TRAPPC9: variants seen among roughly 807,000 people sequenced by gnomAD.
TRAPPC9 encodes the protein IKK2 binding protein.
A neutral mutation model predicts 124.0 loss-of-function variants in TRAPPC9; 83 were observed. The ratio of observed to expected loss-of-function variants is 0.67; its 90% confidence interval spans 0.56 to 0.80. The LOEUF is 0.80. Among genes scored for constraint, TRAPPC9 ranks in the 30% least tolerant of loss-of-function variants. The pLI is 0.00. For synonymous variants in TRAPPC9, 638 were observed against 617.5 expected (o/e 1.03, Z -0.49); for missense variants, 1,302 against 1,508.3 (o/e 0.86, Z 2.27).
intron 21 of TRAPPC9, among the ~76,000 whole-genome samples, chr8:139,771,974 A>G (rs937447735): frequency 2.6e-4 from 39 of 152,206 alleles, no homozygotes; most frequent in African/African-American, 8.7e-4. Context: ...GAAGGGAGAT[A>G]TCTGAGCTCA....
chr8:140,208,226 C>T (rs2062973168), intron 17 of TRAPPC9, among the ~76,000 whole-genome samples: 1 of 152,078 alleles, frequency 6.6e-6, no homozygotes, highest in Non-Finnish European at 1.5e-5. Context: ...CAGTTAGTTG[C>T]TGAGGCACCC....
intron 17 of TRAPPC9, among the ~76,000 whole-genome samples, chr8:140,032,321 C>A (rs1241633730): frequency 6.6e-6 from 1 of 152,228 alleles, no homozygotes; most frequent in Non-Finnish European, 1.5e-5. Context: ...CTGTAACCAC[C>A]TTATTAGTTT....
intron 16 of TRAPPC9, among the ~76,000 whole-genome samples, chr8:140,245,927 A>T (rs1299203139): frequency 6.6e-6 from 1 of 152,212 alleles, no homozygotes; most frequent in African/African-American, 2.4e-5. Flanking sequence ...CAAAATGATG[A>T]TATCCGAATT....
At chr8:139,939,552 G>A (rs1018428255) in intron 19 of TRAPPC9, among the ~76,000 whole-genome samples, 2 of 151,928 alleles carry the variant, frequency 1.3e-5, no homozygotes, top group African/African-American at 2.4e-5. Flanking sequence ...GGTCCACAAA[G>A]GCTCCTGTTT....
intron 11 of TRAPPC9, among the ~76,000 whole-genome samples, chr8:140,294,384 C>A (rs970439441): frequency 1.6e-4 from 25 of 152,120 alleles, no homozygotes; most frequent in East Asian, 5.8e-4. Context: ...CAGACCACTC[C>A]TCACCACAAA....
intron 21 of TRAPPC9, among the ~76,000 whole-genome samples, chr8:139,826,753 G>A (rs573135931): frequency 3.2e-4 from 48 of 152,250 alleles, no homozygotes; most frequent in African/African-American, 1.1e-3. Context: ...GGAAGGGAAG[G>A]AAAATAACTC....
rs892279539 is a variant in TRAPPC9 at position 139,733,566 on chromosome 8, C to T, written c.3056-1364G>A. 5.9e-5 allele frequency among the ~76,000 whole-genome samples: 9 copies of T among 152,186 alleles called. 1 individual carries two copies. The highest frequency in any genetic ancestry group is 3.9e-4 in the Admixed American group (6 of 15,288). On this transcript the variant is annotated intron_variant, in intron 21 of 22. Transcript: ENST00000438773. Reference sequence around the variant, plus strand: ...CTTCATGTCATCCAAGTACAAACTGCGTGGCCCTGGGAGCCAGCCTGAGCC... The same window carrying T: ...CTTCATGTCATCCAAGTACAAACTGTGTGGCCCTGGGAGCCAGCCTGAGCC...
chr8:139,881,868 C>G (rs1156287266), intron 21 of TRAPPC9, among the ~76,000 whole-genome samples: 1 of 152,242 alleles, frequency 6.6e-6, no homozygotes, highest in African/African-American at 2.4e-5. Context: ...GGGCCACACT[C>G]CAGACCGCAG....
At position 140,136,435 on chromosome 8, in the gene TRAPPC9, C is replaced by T. The variant is rs935294960; in HGVS notation, c.2556+85024G>A. The stretch of plus-strand genomic sequence containing the variant: ...CATCTTCATGGGGCCTTACTGAGCA[C>T]ATACATGCATTTACTTCTCGGTACC... On this transcript the variant is annotated intron_variant, in intron 17 of 22. Coordinates refer to ENST00000438773, the MANE Select transcript of TRAPPC9 (RefSeq NM_001160372.4). Among the ~76,000 whole-genome samples, 15 of 152,280 alleles carry T rather than the reference C, an allele frequency of 9.9e-5. 1 individual carries two copies. In the South Asian group the frequency reaches 2.3e-3, roughly 23 times the overall value.
intron 18 of TRAPPC9, among the ~76,000 whole-genome samples, chr8:140,001,129 A>G (rs1838367287): frequency 1.3e-5 from 2 of 152,332 alleles, no homozygotes; most frequent in Middle Eastern, 3.4e-3. Flanking sequence ...AACTATTGCA[A>G]GGACAGAAAA....
At chr8:139,954,170 A>G (rs1834835475) in intron 19 of TRAPPC9, among the ~76,000 whole-genome samples, 2 of 152,184 alleles carry the variant, frequency 1.3e-5, no homozygotes, top group Non-Finnish European at 2.9e-5. Context: ...GGCACAGGGA[A>G]GCTTTTGGGG....
chr8:140,288,083 G>A (rs2065542553), intron 12 of TRAPPC9, among the ~76,000 whole-genome samples: 2 of 152,206 alleles, frequency 1.3e-5, no homozygotes, highest in African/African-American at 4.8e-5. Flanking sequence ...GCTCACACCT[G>A]TAATCCCAAC....
At chr8:139,796,800 G>A (rs558318281) in intron 21 of TRAPPC9, among the ~76,000 whole-genome samples, 2 of 152,318 alleles carry the variant, frequency 1.3e-5, no homozygotes, top group East Asian at 3.9e-4. Flanking sequence ...GTAACTTTAT[G>A]TTTAACTTTG....
At chr8:139,877,151 A>G (rs879411845) in intron 21 of TRAPPC9, among the ~76,000 whole-genome samples, 12 of 152,376 alleles carry the variant, frequency 7.9e-5, no homozygotes, top group Admixed American at 3.9e-4. Flanking sequence ...TGTCTATGAA[A>G]GACAGCACAG....
intron 6 of TRAPPC9, among the ~76,000 whole-genome samples, chr8:140,403,674 T>C (rs2069361439): frequency 6.6e-6 from 1 of 152,074 alleles, no homozygotes; most frequent in Non-Finnish European, 1.5e-5. Context: ...TTTTTTTTTT[T>C]TGAGACGGAG....
intron 21 of TRAPPC9, among the ~76,000 whole-genome samples, chr8:139,816,772 G>GAT (rs1440948636): frequency 1.3e-5 from 2 of 152,088 alleles, no homozygotes; most frequent in Admixed American, 6.5e-5. Flanking sequence ...GTGCTTCGTG[G>GAT]ATAAGGACAC....
intron 21 of TRAPPC9, among the ~76,000 whole-genome samples, chr8:139,775,697 G>A (rs1821308428): frequency 6.6e-6 from 1 of 152,186 alleles, no homozygotes; most frequent in African/African-American, 2.4e-5. Flanking sequence ...GCAGGCTGGG[G>A]CCACCCCGAC....
chr8:140,423,472 C>T (rs1213991782), intron 5 of TRAPPC9, among the ~76,000 whole-genome samples: 1 of 151,716 alleles, frequency 6.6e-6, no homozygotes, highest in Non-Finnish European at 1.5e-5. Context: ...ATCAAACAAA[C>T]ACATGTCCAC....
At chr8:140,265,517 C>T (rs754879489) in intron 15 of TRAPPC9, among the ~76,000 whole-genome samples, 3 of 152,210 alleles carry the variant, frequency 2.0e-5, no homozygotes, top group Non-Finnish European at 4.4e-5. Context: ...TATGTGTTTG[C>T]ACCTCAAAAG....
Sources: allele counts gnomAD v4.1 joint callset (sites outside exome capture counted in the v4.1 genomes callset), GRCh38; gene constraint gnomAD v4.1.1; transcripts MANE v1.5; gene names NCBI Gene and HGNC (gene_info 2026-07-23, HGNC 2026-07-21).